The following PDE3B variants were observed in gnomAD, a reference collection of about 807,000 sequenced individuals.
PDE3B encodes cGMP-inhibited 3',5'-cyclic phosphodiesterase 3B.
In PDE3B, 66 loss-of-function variants were observed where a neutral mutation model predicts 116.8. That is an observed-to-expected ratio of 0.56 (90% CI 0.46 to 0.69). PDE3B has a LOEUF of 0.69. Ranked by LOEUF, PDE3B falls within the 30% of genes least tolerant of loss-of-function variation. The pLI, the probability that PDE3B is intolerant of heterozygous loss-of-function variation, is 0.00. For missense variants in PDE3B, 1,384 were observed against 1,368.1 expected (o/e 1.01, Z -0.18); for synonymous variants, 595 against 533.6 (o/e 1.12, Z -1.59).
intron 1 of PDE3B, among the ~76,000 whole-genome samples, chr11:14,664,993 A>G (rs1465191324): frequency 6.6e-6 from 1 of 152,266 alleles, no homozygotes; most frequent in Non-Finnish European, 1.5e-5. Flanking sequence ...AATATCCTTG[A>G]TGAACATTGA....
intron 4 of PDE3B, among the ~76,000 whole-genome samples, chr11:14,796,284 ACT>A (rs1858550495): frequency 6.6e-6 from 1 of 152,218 alleles, no homozygotes; most frequent in Non-Finnish European, 1.5e-5. Context: ...ATTGATGGAC[ACT>A]TCGGTTGGTT....
intron 1 of PDE3B, among the ~76,000 whole-genome samples, chr11:14,708,093 T>C (rs887201047): frequency 6.6e-6 from 1 of 152,064 alleles, no homozygotes. Context: ...TAAAGGGAGA[T>C]ATTTGGGTCA....
intron 2 of PDE3B, among the ~76,000 whole-genome samples, chr11:14,779,988 GAAA>G (rs1227689000): frequency 6.5e-5 from 7 of 108,272 alleles, no homozygotes; most frequent in African/African-American, 1.3e-4. Flanking sequence ...CAAGCAAATG[GAAA>G]AAAAAAAAAA....
intron 12 of PDE3B, among the ~76,000 whole-genome samples, chr11:14,857,240 A>C (rs1017536380): frequency 5.9e-5 from 9 of 152,238 alleles, no homozygotes; most frequent in Admixed American, 5.9e-4. Flanking sequence ...ATGTTAGTTT[A>C]TTGCAGCTCC....
intron 12 of PDE3B, among the ~76,000 whole-genome samples, chr11:14,849,999 A>C (rs1847707607): frequency 6.6e-6 from 1 of 152,020 alleles, no homozygotes; most frequent in African/African-American, 2.4e-5. Flanking sequence ...TATATACCCA[A>C]AGGACTATAA....
intron 1 of PDE3B, among the ~76,000 whole-genome samples, chr11:14,726,624 G>A (rs957072954): frequency 3.9e-5 from 6 of 152,170 alleles, no homozygotes; most frequent in African/African-American, 1.4e-4. Context: ...GACCCAACAA[G>A]TTAGGAGGAA....
chr11:14,686,471 G>C lies in PDE3B; in HGVS notation c.978+41418G>C, dbSNP rs141710035. 4.5e-3 allele frequency among the ~76,000 whole-genome samples: 684 copies of C among 152,284 alleles called. 3 individuals carry two copies. The highest frequency in any genetic ancestry group is 0.015 in the African/African-American group (609 of 41,572). ...AATTTGAGACTGTTGAAATAGTGGT[G>C]AACTTTTAAGACGCAGAGGAAAGTT... On this transcript the variant is annotated intron_variant, in intron 1 of 15. Transcript: ENST00000282096.
At chr11:14,656,384 G>T (rs1199329284) in intron 1 of PDE3B, among the ~76,000 whole-genome samples, 1 of 152,120 alleles carries the variant, frequency 6.6e-6, no homozygotes, top group African/African-American at 2.4e-5. Flanking sequence ...GTTCACAATG[G>T]ATATCTGTTA....
At chr11:14,881,315 A>G in the PDE3B span, among the ~76,000 whole-genome samples, 7 of 152,124 alleles carry the variant, frequency 4.6e-5, no homozygotes, top group African/African-American at 7.2e-5. Context: ...CTGAAGTCAA[A>G]AAAAGGGCAA....
rs929988748 is a variant in PDE3B at position 14,840,113 on chromosome 11, G to A, written c.2321-3714G>A. Among the ~76,000 whole-genome samples the A allele has an allele frequency of 2.5e-4, 38 of 152,202 alleles. 1 individual carries two copies. The Middle Eastern group carries it at 0.01, about 41-fold the overall frequency. ...GAAGCATGTGAAGCAATTTCTACTC[G>A]TTGTGCAAATTACTCTGCCATTTTT... is the stretch of plus-strand genomic sequence containing the variant. On this transcript the variant is annotated intron_variant, in intron 11 of 15. Coordinates refer to ENST00000282096, the MANE Select transcript of PDE3B (RefSeq NM_000922.4).
intron 1 of PDE3B, among the ~76,000 whole-genome samples, chr11:14,663,168 A>G (rs1380280387): frequency 6.6e-6 from 1 of 152,272 alleles, no homozygotes; most frequent in South Asian, 2.1e-4. Flanking sequence ...ATTCTTAAAG[A>G]AAAGAATTTT....
intron 3 of PDE3B, 165 bp from the exon 4 acceptor site, chr11:14,788,941 T>A (rs540350352): frequency 2.2e-5 from 10 of 459,298 alleles, no homozygotes; most frequent in Non-Finnish European, 3.8e-5. Flanking sequence ...AAATAGAGTG[T>A]GAAATTTGGA....
Position 14,644,088 on chromosome 11 carries a change from G to A in PDE3B, c.13G>A (p.Glu5Lys). ...CCCGGCCCCAGCCATGAGGAGGGAC[G>A]AGCGAGACGCCAAAGCCATGCGGTC... MRRD[E>K]RDAKAMRSLQ... The change falls in exon 1 of 16, where the codon GAG becomes AAG. Residue 5 changes from glutamate (E) to lysine (K), a missense_variant. Physicochemically the swap from Glu to Lys is moderately conservative, Grantham distance 56. Coordinates refer to ENST00000282096, the MANE Select transcript of PDE3B (RefSeq NM_000922.4). 1.3e-6 allele frequency: 2 copies of A among 1,551,406 alleles called. No homozygotes were observed. Among genetic ancestry groups the A allele is most frequent in the Non-Finnish European group, 1.7e-6 (2 of 1,159,428 alleles).
At position 14,842,030 on chromosome 11, in the gene PDE3B, G is replaced by C. The variant is rs1308574325; in HGVS notation, c.2321-1797G>C. Reference sequence around the variant, plus strand: ...GTAGAAATGCAATTGATTTTTGCATGTTTATCTTGTTCCCTGCTAACTTGA... The same window carrying C: ...GTAGAAATGCAATTGATTTTTGCATCTTTATCTTGTTCCCTGCTAACTTGA... On this transcript the variant is annotated intron_variant, in intron 11 of 15. Transcript: ENST00000282096. 2.0e-5 allele frequency among the ~76,000 whole-genome samples: 3 copies of C among 151,472 alleles called. No homozygotes were observed. The South Asian group carries it at 6.2e-4, about 32-fold the overall frequency.
At chr11:14,898,020 A>T in the PDE3B span, among the ~76,000 whole-genome samples, 1 of 152,084 alleles carries the variant, frequency 6.6e-6, no homozygotes, top group African/African-American at 2.4e-5. Context: ...ATACCCTCAT[A>T]TGTGGTTAGA....
At chr11:14,890,632 C>T in the PDE3B span, 33 of 221,626 alleles carry the variant, frequency 1.5e-4, no homozygotes, top group Non-Finnish European at 2.3e-4. Context: ...CTGAAAGCTC[C>T]GCCTCCCGGG....
chr11:14,835,416 ATAAT>A (rs1230794342), intron 11 of PDE3B, among the ~76,000 whole-genome samples: 2 of 151,614 alleles, frequency 1.3e-5, no homozygotes, highest in Non-Finnish European at 2.9e-5. Flanking sequence ...GAATATTATG[ATAAT>A]TAGTCCTTTG....
intron 5 of PDE3B, 47 bp downstream of exon 5, chr11:14,804,097 T>C (rs1858848451): frequency 3.1e-6 from 3 of 969,350 alleles, no homozygotes; most frequent in Non-Finnish European, 5.0e-6. Flanking sequence ...TCTCAAAGTA[T>C]ATGGTAGTGT....
At chr11:14,722,524 G>C (rs1856149447) in intron 1 of PDE3B, among the ~76,000 whole-genome samples, 1 of 152,186 alleles carries the variant, frequency 6.6e-6, no homozygotes, top group Admixed American at 6.5e-5. Context: ...TTGTTGAGTA[G>C]TATAGTGGAC....
Sources: allele counts gnomAD v4.1 joint callset (sites outside exome capture counted in the v4.1 genomes callset), GRCh38; gene constraint gnomAD v4.1.1; transcripts MANE v1.5; gene names NCBI Gene and HGNC (gene_info 2026-07-23, HGNC 2026-07-21).